DUSP29: variants seen among roughly 807,000 people sequenced by gnomAD.
DUSP29 encodes the protein atypical dual-specific protein phosphatase.
DUSP29 carries 12 observed loss-of-function variants against 13.5 expected under a neutral mutation model. The observed-to-expected ratio is 0.89, with a 90% CI of 0.57 to 1.44. DUSP29 has a LOEUF of 1.44. Ranked by LOEUF, DUSP29 falls within the 40% of genes most tolerant of loss-of-function variation. The pLI is 0.00. For synonymous variants in DUSP29, 134 were observed against 128.7 expected (o/e 1.04, Z -0.28); for missense variants, 308 against 301.1 (o/e 1.02, Z -0.17).
intron 1 of DUSP29, among the ~76,000 whole-genome samples, chr10:75,067,225 G>A (rs1356364899): frequency 6.6e-6 from 1 of 152,092 alleles, no homozygotes; most frequent in Non-Finnish European, 1.5e-5. Context: ...CTTCCAGAGT[G>A]CTGGGATTAC....
intron 1 of DUSP29, among the ~76,000 whole-genome samples, 60 bp downstream of exon 1, chr10:75,073,509 C>A (rs921532134): frequency 3.9e-5 from 6 of 152,190 alleles, no homozygotes; most frequent in Admixed American, 3.9e-4. Flanking sequence ...CACACCCAGG[C>A]CCCCAAAGAA....
intron 3 of DUSP29, 138 bp downstream of exon 3, chr10:75,043,659 A>T: frequency 1.2e-6 from 1 of 854,234 alleles, no homozygotes. Context: ...AGACGGGGAA[A>T]CCTTGGGCTA....
chr10:75,051,891 C>T (rs1846839867), intron 2 of DUSP29, among the ~76,000 whole-genome samples: 1 of 152,152 alleles, frequency 6.6e-6, no homozygotes, highest in South Asian at 2.1e-4. Flanking sequence ...ATTGCTCTTG[C>T]AATAAGCGTC....
intron 2 of DUSP29, among the ~76,000 whole-genome samples, 195 bp from the exon 3 acceptor site, chr10:75,044,212 G>A (rs765588967): frequency 9.9e-5 from 15 of 152,232 alleles, no homozygotes; most frequent in Admixed American, 5.2e-4. Context: ...TGGCTCGGCT[G>A]TCTCAAGAAA....
At chr10:75,043,712 G>T (rs1238046024) in intron 3 of DUSP29, 85 bp downstream of exon 3, 8 of 1,244,068 alleles carry the variant, frequency 6.4e-6, no homozygotes, top group Non-Finnish European at 7.8e-6. Context: ...GTGGGGCGGG[G>T]AAGGGGCGGG....
At chr10:75,038,508 C>G (rs959875566) in intron 3 of DUSP29, among the ~76,000 whole-genome samples, 7 of 152,138 alleles carry the variant, frequency 4.6e-5, no homozygotes, top group African/African-American at 1.7e-4. Context: ...ATTCAAATCC[C>G]ACGGACCTTT....
At chr10:75,038,994 T>C (rs1846530632) in intron 3 of DUSP29, among the ~76,000 whole-genome samples, 1 of 152,160 alleles carries the variant, frequency 6.6e-6, no homozygotes, top group Non-Finnish European at 1.5e-5. Context: ...GCAACACTTT[T>C]GTTCCTTCTT....
intron 1 of DUSP29, among the ~76,000 whole-genome samples, chr10:75,070,129 GGAAGGAAGGAAA>G (rs1436112668): frequency 2.3e-5 from 2 of 86,182 alleles, no homozygotes; most frequent in Non-Finnish European, 2.3e-5. Context: ...AAGGAAGGAA[GGAAGGAAGGAAA>G]AGAAAGAAAC....
At chr10:75,043,751 G>T in intron 3 of DUSP29, 46 bp downstream of exon 3, 2 of 1,479,220 alleles carry the variant, frequency 1.4e-6, no homozygotes, top group Admixed American at 2.0e-5. Flanking sequence ...GCGAGTCGGG[G>T]CGGGGCGGGG....
chr10:75,051,579 C>T (rs1159086615), intron 2 of DUSP29, among the ~76,000 whole-genome samples: 1 of 152,208 alleles, frequency 6.6e-6, no homozygotes, highest in Non-Finnish European at 1.5e-5. Flanking sequence ...GGCCTGGGCT[C>T]CAAGGATAGA....
At chr10:75,041,285 G>T (rs1846577665) in intron 3 of DUSP29, among the ~76,000 whole-genome samples, 2 of 152,184 alleles carry the variant, frequency 1.3e-5, no homozygotes, top group South Asian at 4.1e-4. Context: ...CAGGGCACAG[G>T]TTACAACCTG....
intron 2 of DUSP29, among the ~76,000 whole-genome samples, chr10:75,053,066 C>T (rs190905094): frequency 2.0e-5 from 3 of 152,278 alleles, no homozygotes; most frequent in Non-Finnish European, 2.9e-5. Flanking sequence ...GTAAAGTGGC[C>T]GGGAGCGCAG....
intron 3 of DUSP29, among the ~76,000 whole-genome samples, chr10:75,040,177 A>AAAAAAC (rs1846553856): frequency 6.6e-6 from 1 of 152,180 alleles, no homozygotes; most frequent in Admixed American, 6.5e-5. Context: ...TTCCGTCTCA[A>AAAAAAC]AAAAACAAAA....
intron 2 of DUSP29, among the ~76,000 whole-genome samples, chr10:75,052,635 A>G (rs112412650): frequency 0.08 from 12,227 of 152,114 alleles, 652 homozygotes; most frequent in South Asian, 0.26. Flanking sequence ...TATTTTTAGT[A>G]GAGGCGGGGT....
intron 1 of DUSP29, among the ~76,000 whole-genome samples, chr10:75,069,100 T>C (rs758444602): frequency 6.6e-6 from 1 of 152,226 alleles, no homozygotes; most frequent in Non-Finnish European, 1.5e-5. Flanking sequence ...TCTCTGATGG[T>C]GTTGATGTCA....
intron 2 of DUSP29, among the ~76,000 whole-genome samples, chr10:75,056,566 C>T (rs1279546862): frequency 2.0e-5 from 3 of 151,226 alleles, no homozygotes; most frequent in African/African-American, 7.3e-5. Flanking sequence ...ACTCAGGAGG[C>T]TGAGGCAAGA....
intron 1 of DUSP29, among the ~76,000 whole-genome samples, chr10:75,060,070 G>T (rs1847054276): frequency 6.6e-6 from 1 of 151,960 alleles, no homozygotes. Flanking sequence ...TGAGGCAGGA[G>T]AATCGCTTGA....
intron 1 of DUSP29, among the ~76,000 whole-genome samples, chr10:75,059,924 C>T (rs1413707460): frequency 2.0e-5 from 3 of 151,258 alleles, no homozygotes; most frequent in Non-Finnish European, 4.4e-5. Flanking sequence ...TTTGGGAGGC[C>T]GAGGCGGGCA....
chr10:75,066,809 T>C (rs758526171), intron 1 of DUSP29, among the ~76,000 whole-genome samples: 2 of 152,070 alleles, frequency 1.3e-5, no homozygotes, highest in Non-Finnish European at 2.9e-5. Flanking sequence ...CAGCTCTGTG[T>C]CCTCCCCGAG....
Sources: allele counts gnomAD v4.1 joint callset (sites outside exome capture counted in the v4.1 genomes callset), GRCh38; gene constraint gnomAD v4.1.1; transcripts MANE v1.5; gene names NCBI Gene and HGNC (gene_info 2026-07-23, HGNC 2026-07-21).